The following PPIL2 variants were observed in gnomAD, a reference collection of about 807,000 sequenced individuals.
PPIL2 encodes peptidylprolyl isomerase like 2.
Under a neutral mutation model 75.2 loss-of-function variants are expected in PPIL2, and 50 were observed. That is an observed-to-expected ratio of 0.66 (90% CI 0.53 to 0.84). The LOEUF is 0.84. Among genes scored for constraint, PPIL2 ranks in the 40% least tolerant of loss-of-function variants. The pLI is 0.00. For synonymous variants in PPIL2, 245 were observed against 258.8 expected (o/e 0.95, Z 0.51); for missense variants, 590 against 685.0 (o/e 0.86, Z 1.55).
At chr22:21,680,551 C>T (rs1041725410) in intron 6 of PPIL2, among the ~76,000 whole-genome samples, 4 of 146,918 alleles carry the variant, frequency 2.7e-5, no homozygotes, top group African/African-American at 1.0e-4. Flanking sequence ...AAAACAAGGC[C>T]GGGTGCAGTG....
At position 21,671,047 on chromosome 22, in the gene PPIL2, T is replaced by C; in HGVS notation, c.179T>C (p.Val60Ala). 1.2e-6 allele frequency: 2 copies of C among 1,611,750 alleles called. No individual in the cohort carries two copies. The highest frequency in any genetic ancestry group is 1.7e-6 in the Non-Finnish European group (2 of 1,177,788). Residue 60 changes from valine (V) to alanine (A), a missense_variant, in exon 4 of 20, where the codon GTC becomes GCC. By Grantham distance (64) the Val-to-Ala change is moderately conservative (BLOSUM62 0). Transcript: ENST00000398831. ...VYPVCTPDGI[V>A]FDLLNIVPWL... Reference sequence around the variant, plus strand: ...CCAGTCTGCACTCCCGATGGCATCGTCTTTGACTTACTGTGAGTTTTTCCT... The same window carrying C: ...CCAGTCTGCACTCCCGATGGCATCGCCTTTGACTTACTGTGAGTTTTTCCT...
chr22:21,666,439 C>T (rs1207407873), intron 1 of PPIL2, among the ~76,000 whole-genome samples: 1 of 152,198 alleles, frequency 6.6e-6, no homozygotes, highest in African/African-American at 2.4e-5. Flanking sequence ...GTAGTCTCTA[C>T]CTCTTCCGTA....
At position 21,697,346 on chromosome 22, in the gene PPIL2, T is replaced by A; in HGVS notation, c.*1856T>A. The A allele has an allele frequency of 3.7e-6, 1 of 270,112 alleles. No individual in the cohort carries two copies. 16.7% of individuals were successfully genotyped at this position (270,112 alleles called of 1,614,324 possible). On this transcript the variant is annotated 3_prime_UTR_variant, in exon 20 of 20. Coordinates refer to ENST00000398831, the MANE Select transcript of PPIL2 (RefSeq NM_014337.4). ...TGCCCACCCTGACAGACACCCTGGC[T>A]GGCCCTGACTGACTGTATTCTCTGG...
At position 21,694,594 on chromosome 22, in the gene PPIL2, G is replaced by A. The variant is rs1240912279; in HGVS notation, c.1198G>A (p.Val400Ile). 4 of 1,614,110 alleles carry A rather than the reference G, an allele frequency of 2.5e-6. No individual in the cohort carries two copies. In the South Asian group the frequency reaches 3.3e-5, roughly 13 times the overall value. Reference sequence around the variant, plus strand: ...CCCACCTCTGTCTCCCTGCTGCAGGGTTGTTGGGGGCTTTGACGTACTGAC... The same window carrying A: ...CCCACCTCTGTCTCCCTGCTGCAGGATTGTTGGGGGCTTTGACGTACTGAC... ...LDKKHTIFGR[V>I]VGGFDVLTAM... Residue 400 changes from valine to isoleucine, a missense_variant and splice_region_variant, in exon 17 of 20, where the codon GTT (valine) becomes ATT (isoleucine). Physicochemically the swap from Val to Ile is conservative, Grantham distance 29. Coordinates refer to ENST00000398831, the MANE Select transcript of PPIL2 (RefSeq NM_014337.4).
rs1304433365 is a variant in PPIL2 at position 21,697,503 on chromosome 22, A to T, written c.*2013A>T. ...AGAGAGCCTGGGCTCAGCCTTCTGC[A>T]TCAGGACATGGCCTCGTCCACTGAG... On this transcript the variant is annotated 3_prime_UTR_variant, in exon 20 of 20. Coordinates refer to ENST00000398831, the MANE Select transcript of PPIL2 (RefSeq NM_014337.4). 6.2e-6 allele frequency: 1 copy of T among 160,414 alleles called. No homozygotes were observed. Among genetic ancestry groups the T allele is most frequent in the East Asian group, 1.8e-4 (1 of 5,528 alleles). The allele number at this position is 160,414 out of a possible 1,614,324, so 9.9% of individuals were successfully genotyped here.
intron 4 of PPIL2, 25 bp downstream of exon 4, chr22:21,671,084 CT>C: frequency 6.3e-7 from 1 of 1,590,654 alleles, no homozygotes; most frequent in South Asian, 1.1e-5. Flanking sequence ...GAATTTTGAT[CT>C]AACAAATGTG....
Position 21,695,498 on chromosome 22 carries a change from T to C in PPIL2, c.*8T>C. 1.3e-6 allele frequency: 2 copies of C among 1,586,830 alleles called. No individual in the cohort carries two copies. Among genetic ancestry groups the C allele is most frequent in the Admixed American group, 1.8e-5 (1 of 55,932 alleles). ...GACTTCAGCTCCTGGTAGCAGCAGG[T>C]TGGCCGCTGTGGACCTTGGTGGGGT... On this transcript the variant is annotated 3_prime_UTR_variant, in exon 20 of 20. Transcript: ENST00000398831.
chr22:21,687,078 T>G (rs548885262), intron 12 of PPIL2, 80 bp downstream of exon 12: 1 of 1,310,466 alleles, frequency 7.6e-7, no homozygotes, highest in South Asian at 1.2e-5. Context: ...AATATAGGGC[T>G]GCCACTGGTA....
intron 3 of PPIL2, 123 bp downstream of exon 3, chr22:21,670,734 G>GT: frequency 2.7e-6 from 3 of 1,126,524 alleles, no homozygotes; most frequent in Non-Finnish European, 4.0e-6. Context: ...TGGCCCTTCA[G>GT]TTCATGTTGG....
intron 5 of PPIL2, among the ~76,000 whole-genome samples, chr22:21,672,994 G>A (rs1408578626): frequency 4.6e-5 from 7 of 152,224 alleles, no homozygotes; most frequent in Admixed American, 4.6e-4. Flanking sequence ...GTGTTCTGGG[G>A]GCTGCAGGGT....
chr22:21,670,538 TTC>T, intron 2 of PPIL2, 26 bp from the exon 3 acceptor site: 1 of 1,584,330 alleles, frequency 6.3e-7, no homozygotes, highest in Non-Finnish European at 8.7e-7. Flanking sequence ...AGAGTAAGAT[TTC>T]TGTTTTTTAT....
chr22:21,686,419 G>A lies in PPIL2; in HGVS notation c.715-64G>A, dbSNP rs910505630. ...GCGTGTGGTTGGCTTCTAGGCAAGC[G>A]ACACGTCCCCACCCAACTGCCTCCC... On this transcript the variant is annotated intron_variant, in intron 10 of 19. Transcript: ENST00000398831. 22 of 1,503,966 alleles carry A rather than the reference G, an allele frequency of 1.5e-5. No individual in the cohort carries two copies. In the African/African-American group the frequency reaches 1.8e-4, roughly 12 times the overall value. 93.2% of individuals were successfully genotyped at this position (1,503,966 alleles called of 1,614,324 possible).
chr22:21,673,268 C>T (rs1216358515), intron 5 of PPIL2, among the ~76,000 whole-genome samples: 2 of 152,200 alleles, frequency 1.3e-5, no homozygotes, highest in Non-Finnish European at 2.9e-5. Flanking sequence ...CCAGGGGCTT[C>T]CCCCAAGGTC....
chr22:21,680,397 C>G (rs2067062243), intron 6 of PPIL2, among the ~76,000 whole-genome samples: 1 of 152,096 alleles, frequency 6.6e-6, no homozygotes, highest in Non-Finnish European at 1.5e-5. Context: ...CATGGTGACG[C>G]ATGCATGCCT....
intron 12 of PPIL2, among the ~76,000 whole-genome samples, chr22:21,687,373 G>A (rs2148553880): frequency 6.6e-6 from 1 of 152,200 alleles, no homozygotes; most frequent in Non-Finnish European, 1.5e-5. Context: ...GGCCAACATG[G>A]GGAAACCCGT....
intron 5 of PPIL2, among the ~76,000 whole-genome samples, chr22:21,674,321 A>G (rs1485865200): frequency 6.6e-6 from 1 of 152,204 alleles, no homozygotes; most frequent in Admixed American, 6.5e-5. Context: ...TGTACTGCAG[A>G]CACACCACAG....
intron 1 of PPIL2, among the ~76,000 whole-genome samples, chr22:21,668,367 C>CTGTA (rs1457720180): frequency 6.6e-6 from 1 of 151,802 alleles, no homozygotes; most frequent in Non-Finnish European, 1.5e-5. Flanking sequence ...TGGCTCACAC[C>CTGTA]TGTAATCCCA....
At chr22:21,687,079 G>T in intron 12 of PPIL2, 81 bp downstream of exon 12, 1 of 1,301,930 alleles carries the variant, frequency 7.7e-7, no homozygotes, top group East Asian at 2.3e-5. Flanking sequence ...ATATAGGGCT[G>T]CCACTGGTAT....
chr22:21,666,141 G>C lies in PPIL2; in HGVS notation c.32+10G>C, dbSNP rs755635924. 2 of 1,611,996 alleles carry C rather than the reference G, an allele frequency of 1.2e-6. No homozygotes were observed. Among genetic ancestry groups the C allele is most frequent in the South Asian group, 1.1e-5 (1 of 90,886 alleles). On this transcript the variant is annotated intron_variant, in intron 1 of 19. Transcript: ENST00000398831. ...ACCAAAAGGACAAAATGTAAGTTGA[G>C]CCGCAGTCGGGAGCGGCGCTCCACT...
Sources: gnomAD v4.1 joint callset for allele counts (sites outside exome capture counted in the v4.1 genomes callset) on GRCh38, gnomAD v4.1.1 for gene constraint, MANE v1.5 for transcripts, NCBI Gene and HGNC (gene_info 2026-07-23, HGNC 2026-07-21) for gene names.